LDB2: variants seen among roughly 807,000 people sequenced by gnomAD.
The protein encoded by LDB2 is LIM domain binding 2, also known as LIM domain-binding protein 2.
A neutral mutation model predicts 44.3 loss-of-function variants in LDB2; 12 were observed. The observed-to-expected ratio is 0.27, with a 90% CI of 0.17 to 0.44. LDB2 has a LOEUF of 0.44. Among genes scored for constraint, LDB2 ranks in the 20% least tolerant of loss-of-function variants. The pLI, the probability that LDB2 is intolerant of heterozygous loss-of-function variation, is 1.00. For synonymous variants in LDB2, 164 were observed against 174.8 expected, an observed-to-expected ratio of 0.94 and a Z score of 0.49; for missense variants, 344 against 473.5, an observed-to-expected ratio of 0.73 and a Z score of 2.54.
Position 16,671,120 on chromosome 4 carries a change from A to C in LDB2, c.236-75245T>G, listed in dbSNP as rs200192927. On this transcript the variant is annotated intron_variant, in intron 2 of 7. Coordinates refer to ENST00000304523, the MANE Select transcript of LDB2 (RefSeq NM_001290.5). ...AAAATAGCACATACAAAAAAAAAAAACAAAAAAAACAAGTGCTTAGAGCTT... is the reference window on the plus strand; with the variant it reads ...AAAATAGCACATACAAAAAAAAAAACCAAAAAAAACAAGTGCTTAGAGCTT... 8.0e-4 allele frequency among the ~76,000 whole-genome samples: 93 copies of C among 116,802 alleles called. No homozygotes were observed. In the Middle Eastern group the frequency reaches 0.017, roughly 21 times the overall value. 76.6% of individuals were successfully genotyped at this position (116,802 alleles called of 152,430 possible).
chr4:16,732,417 A>G (rs1332164570), intron 2 of LDB2, among the ~76,000 whole-genome samples: 2 of 152,204 alleles, frequency 1.3e-5, no homozygotes, highest in African/African-American at 4.8e-5. Flanking sequence ...CCATAGCTTC[A>G]CTTTCGGAGC....
chr4:16,524,516 A>G (rs1727492543), intron 5 of LDB2, among the ~76,000 whole-genome samples: 2 of 152,160 alleles, frequency 1.3e-5, no homozygotes, highest in Admixed American at 1.3e-4. Flanking sequence ...AAACCACCAC[A>G]TCGTGGAAAG....
rs111696623 is a variant in LDB2 at position 16,622,564 on chromosome 4, A to G, written c.236-26689T>C. On this transcript the variant is annotated intron_variant, in intron 2 of 7. Transcript: ENST00000304523. Reference sequence around the variant, plus strand: ...GGTTTTGTATGGAGGTTCTGAATGAAAAGCTTTAAAGTTCAGCTTTTCCTC... The same window carrying G: ...GGTTTTGTATGGAGGTTCTGAATGAGAAGCTTTAAAGTTCAGCTTTTCCTC... Among the ~76,000 whole-genome samples, 309 of 152,356 alleles carry G rather than the reference A, an allele frequency of 2.0e-3. 3 individuals are homozygous for G. Among genetic ancestry groups the G allele is most frequent in the African/African-American group, 6.9e-3 (289 of 41,590 alleles).
At chr4:16,788,884 G>A (rs2109566905) in intron 1 of LDB2, among the ~76,000 whole-genome samples, 1 of 152,254 alleles carries the variant, frequency 6.6e-6, no homozygotes, top group East Asian at 1.9e-4. Flanking sequence ...CCAGCCTACT[G>A]GGGAAGCCAG....
chr4:16,726,990 G>A (rs549009850), intron 2 of LDB2, among the ~76,000 whole-genome samples: 1 of 152,268 alleles, frequency 6.6e-6, no homozygotes, highest in South Asian at 2.1e-4. Context: ...ATTAACATGG[G>A]TCGGTTTGCT....
chr4:16,739,006 A>G (rs1400266673), intron 2 of LDB2, among the ~76,000 whole-genome samples: 2 of 152,156 alleles, frequency 1.3e-5, no homozygotes, highest in African/African-American at 4.8e-5. Flanking sequence ...GAAGAAGAAA[A>G]TAATTAGGAA....
At chr4:16,867,369 C>T (rs1344792637) in intron 1 of LDB2, among the ~76,000 whole-genome samples, 8 of 152,136 alleles carry the variant, frequency 5.3e-5, no homozygotes, top group African/African-American at 1.9e-4. Flanking sequence ...AGGTCAATTA[C>T]CCCCAGAGTA....
intron 5 of LDB2, among the ~76,000 whole-genome samples, chr4:16,513,477 C>T (rs1053018521): frequency 6.6e-6 from 1 of 152,210 alleles, no homozygotes; most frequent in African/African-American, 2.4e-5. Flanking sequence ...TGAGACTACG[C>T]CTTTTATCTC....
chr4:16,870,743 C>T (rs1310752923), intron 1 of LDB2, among the ~76,000 whole-genome samples: 1 of 152,150 alleles, frequency 6.6e-6, no homozygotes, highest in East Asian at 1.9e-4. Flanking sequence ...AGCGATTCTC[C>T]TGCCTCAGCC....
rs909651153 is a variant in LDB2 at position 16,812,833 on chromosome 4, A to T, written c.133-53573T>A. Among the ~76,000 whole-genome samples, 11 of 151,990 alleles carry T rather than the reference A, an allele frequency of 7.2e-5. 1 individual carries two copies. Among genetic ancestry groups the T allele is most frequent in the Non-Finnish European group, 1.6e-4 (11 of 68,014 alleles). On this transcript the variant is annotated intron_variant, in intron 1 of 7. Transcript: ENST00000304523. ...GCACAACGATAATTGTATTCACCAG[A>T]AGCTTTCTTCCAAGAAACGCTAAAT...
chr4:16,591,450 A>T (rs139584514), intron 3 of LDB2, among the ~76,000 whole-genome samples: 1 of 152,356 alleles, frequency 6.6e-6, no homozygotes, highest in Non-Finnish European at 1.5e-5. Flanking sequence ...CAAGGGTTTA[A>T]CTGGGGTATA....
intron 2 of LDB2, among the ~76,000 whole-genome samples, chr4:16,747,056 A>C (rs78269186): frequency 2.2e-4 from 34 of 152,334 alleles, no homozygotes; most frequent in African/African-American, 8.2e-4. Context: ...CAAGTCCCAT[A>C]ACTAATGTCG....
intron 5 of LDB2, among the ~76,000 whole-genome samples, chr4:16,580,336 G>A (rs1200667351): frequency 6.6e-6 from 1 of 152,130 alleles, no homozygotes; most frequent in Non-Finnish European, 1.5e-5. Flanking sequence ...TCAAATTTAA[G>A]TAAACAAGTA....
intron 1 of LDB2, among the ~76,000 whole-genome samples, chr4:16,890,978 C>T (rs914845336): frequency 2.0e-5 from 3 of 152,100 alleles, no homozygotes; most frequent in African/African-American, 7.2e-5. Flanking sequence ...GAAGTTCTTT[C>T]CCCTTTATGT....
intron 2 of LDB2, among the ~76,000 whole-genome samples, chr4:16,692,623 C>A (rs934881159): frequency 6.6e-6 from 1 of 151,822 alleles, no homozygotes; most frequent in African/African-American, 2.4e-5. Context: ...ATAAAAAGAA[C>A]CTCTTCAAGT....
rs1003587378 is a variant in LDB2, at chr4:16,837,117, G to A, written c.132+61237C>T. Among the ~76,000 whole-genome samples, 50 of 152,192 alleles carry A rather than the reference G, an allele frequency of 3.3e-4. 2 individuals carry two copies. Among genetic ancestry groups the A allele is most frequent in the Admixed American group, 2.0e-4 (3 of 15,284 alleles). On this transcript the variant is annotated intron_variant, in intron 1 of 7. Coordinates refer to ENST00000304523, the MANE Select transcript of LDB2 (RefSeq NM_001290.5). Reference sequence around the variant, plus strand: ...ATTATTCAGTTCAGTGTTAATATGAGCAGCTAAGATATTTAGACATTTTGA... The same window carrying A: ...ATTATTCAGTTCAGTGTTAATATGAACAGCTAAGATATTTAGACATTTTGA...
intron 1 of LDB2, among the ~76,000 whole-genome samples, chr4:16,894,486 G>A (rs1339226822): frequency 6.6e-6 from 1 of 152,098 alleles, no homozygotes; most frequent in East Asian, 1.9e-4. Flanking sequence ...TACTTTTGTT[G>A]TTGTTGCTGT....
intron 5 of LDB2, among the ~76,000 whole-genome samples, chr4:16,522,044 A>C (rs779041211): frequency 6.6e-6 from 1 of 152,176 alleles, no homozygotes; most frequent in Non-Finnish European, 1.5e-5. Context: ...CAGTCTCCCC[A>C]TCGGCAAGAT....
intron 5 of LDB2, among the ~76,000 whole-genome samples, chr4:16,558,993 A>C (rs1324184383): frequency 6.6e-6 from 1 of 152,178 alleles, no homozygotes; most frequent in South Asian, 2.1e-4. Flanking sequence ...GAACTAAAAT[A>C]CTTTACAGAC....
Sources: gnomAD v4.1 joint callset for allele counts (sites outside exome capture counted in the v4.1 genomes callset) on GRCh38, gnomAD v4.1.1 for gene constraint, MANE v1.5 for transcripts, NCBI Gene and HGNC (gene_info 2026-07-23, HGNC 2026-07-21) for gene names.